COL4A5: variants seen among roughly 807,000 people sequenced by gnomAD.
The protein encoded by COL4A5 is collagen type IV alpha 5 chain, also known as collagen alpha-5(IV) chain.
In COL4A5, 26 loss-of-function variants were observed where a neutral mutation model predicts 130.2. That is an observed-to-expected ratio of 0.20 (90% CI 0.15 to 0.28). The LOEUF (loss-of-function observed/expected upper bound fraction) is 0.28. Among genes scored for constraint, COL4A5 ranks in the 10% least tolerant of loss-of-function variants. The pLI is 1.00. For synonymous variants in COL4A5, 496 were observed against 439.6 expected (o/e 1.13, Z -1.60); for missense variants, 1,131 against 1,344.3 (o/e 0.84, Z 2.48).
At chrX:108,507,210 C>T (rs1337963793) in intron 1 of COL4A5, among the ~76,000 whole-genome samples, 2 of 100,354 alleles carry the variant, frequency 2.0e-5, no homozygotes, top group Non-Finnish European at 2.0e-5. Context: ...CAGCATTATC[C>T]TGATACCAAA....
chrX:108,595,422 C>A, intron 21 of COL4A5, 87 bp from the exon 22 acceptor site: 1 of 780,788 alleles, frequency 1.3e-6, no homozygotes. Flanking sequence ...AAATGCTGTC[C>A]CTTAGTGCTA....
In COL4A5 at chrX:108,440,263, C is replaced by G. The variant is rs1471509166; in HGVS notation, c.81+57C>G. ...CACCGCTCTTTCACGCTGAAATTAC[C>G]TTTTTTTTGGGGGGGGGGTCCCTTT... On this transcript the variant is annotated intron_variant, in intron 1 of 52. Transcript: ENST00000328300. The G allele has an allele frequency of 1.7e-5, 14 of 815,633 alleles. No homozygotes were observed. In the East Asian group the frequency reaches 3.6e-4, roughly 21 times the overall value. The allele number at this position is 815,633 out of a possible 1,213,427, so 67.2% of individuals were successfully genotyped here. A position where few individuals can be genotyped will look rare whatever the true frequency, so the allele number is the denominator to read the frequency against.
At chrX:108,576,877 G>C (rs1186723918) in intron 10 of COL4A5, among the ~76,000 whole-genome samples, 1 of 112,015 alleles carries the variant, frequency 8.9e-6, no homozygotes, top group Non-Finnish European at 1.9e-5. Context: ...GTTTGTTTTA[G>C]TTGTAGACTT....
chrX:108,466,926 A>G (rs2064712079), intron 1 of COL4A5, among the ~76,000 whole-genome samples: 2 of 112,160 alleles, frequency 1.8e-5, no homozygotes, highest in African/African-American at 6.5e-5. Context: ...TACATTCTGA[A>G]TACTAGACAA....
chrX:108,539,197 T>A (rs2065499369), intron 1 of COL4A5, among the ~76,000 whole-genome samples: 1 of 110,504 alleles, frequency 9.0e-6, no homozygotes, highest in African/African-American at 3.3e-5. Flanking sequence ...AAAAGGAGAG[T>A]TCCTGAGAGT....
intron 36 of COL4A5, among the ~76,000 whole-genome samples, chrX:108,650,931 T>TA (rs766257364): frequency 7.6e-4 from 83 of 109,659 alleles, no homozygotes; most frequent in African/African-American, 2.6e-3. Flanking sequence ...TATGGAAAAA[T>TA]TAAAAAAAAC....
chrX:108,557,597 A>T (rs1039702332), intron 2 of COL4A5, among the ~76,000 whole-genome samples: 1 of 111,784 alleles, frequency 8.9e-6, no homozygotes, highest in African/African-American at 3.3e-5. Flanking sequence ...ATTATTCAGC[A>T]TAAAATCATC....
At chrX:108,694,750 G>A (rs1483581737) in intron 50 of COL4A5, 57 bp from the exon 51 acceptor site, 12 of 912,281 alleles carry the variant, frequency 1.3e-5, no homozygotes, top group African/African-American at 3.9e-5. Flanking sequence ...AAGCAGGATG[G>A]CTACTTCTCA....
At chrX:108,495,188 C>T (rs766474886) in intron 1 of COL4A5, among the ~76,000 whole-genome samples, 1 of 110,201 alleles carries the variant, frequency 9.1e-6, no homozygotes, top group African/African-American at 3.3e-5. Context: ...GAACCTTGAC[C>T]TAAGCCTCAC....
At chrX:108,610,476 A>G (rs2066813827) in intron 29 of COL4A5, among the ~76,000 whole-genome samples, 1 of 111,976 alleles carries the variant, frequency 8.9e-6, no homozygotes, top group Non-Finnish European at 1.9e-5. Flanking sequence ...CCAGCTGTAA[A>G]CTGTAACACT....
chrX:108,526,762 T>A (rs1259817958), intron 1 of COL4A5, among the ~76,000 whole-genome samples: 1 of 99,690 alleles, frequency 1.0e-5, no homozygotes, highest in Admixed American at 1.2e-4. Flanking sequence ...TTTCTTTTCT[T>A]TTCCTTTCCT....
chrX:108,509,461 G>A (rs1367977384), intron 1 of COL4A5, among the ~76,000 whole-genome samples: 1 of 111,821 alleles, frequency 8.9e-6, no homozygotes, highest in African/African-American at 3.2e-5. Context: ...AAATTTACAA[G>A]AGAAAAACCA....
At chrX:108,527,006 G>T (rs2065334054) in intron 1 of COL4A5, among the ~76,000 whole-genome samples, 1 of 109,255 alleles carries the variant, frequency 9.2e-6, no homozygotes, top group Non-Finnish European at 1.9e-5. Flanking sequence ...CCAGGCTCAA[G>T]TGGTCCTCCC....
chrX:108,676,159 T>A (rs1270997189), intron 43 of COL4A5, among the ~76,000 whole-genome samples: 2 of 112,197 alleles, frequency 1.8e-5, no homozygotes, highest in Non-Finnish European at 3.8e-5. Flanking sequence ...CAACCCTTTG[T>A]CCATAAGAAT....
At chrX:108,537,382 C>G (rs139231154) in intron 1 of COL4A5, among the ~76,000 whole-genome samples, 1,118 of 111,655 alleles carry the variant, frequency 0.01, 17 homozygotes, top group African/African-American at 0.035. Context: ...AATCTGTGCT[C>G]TCTCTAAAGT....
chrX:108,550,809 T>C (rs1007205768), intron 2 of COL4A5, among the ~76,000 whole-genome samples: 1 of 111,958 alleles, frequency 8.9e-6, no homozygotes, highest in African/African-American at 3.2e-5. Context: ...TTAAAACTTA[T>C]AAGTGAGTTT....
At chrX:108,480,618 A>C (rs1356836380) in intron 1 of COL4A5, among the ~76,000 whole-genome samples, 1 of 113,049 alleles carries the variant, frequency 8.8e-6, no homozygotes, top group East Asian at 2.8e-4. Flanking sequence ...GGCCTCATGC[A>C]CAGGAATGGA....
intron 1 of COL4A5, among the ~76,000 whole-genome samples, chrX:108,511,671 T>C (rs1489372163): frequency 1.8e-5 from 2 of 111,841 alleles, no homozygotes; most frequent in African/African-American, 6.5e-5. Flanking sequence ...TTATAGTCAA[T>C]TGTTTTTCAA....
chrX:108,681,851 G>T lies in COL4A5; in HGVS notation c.4179G>T (p.Lys1393Asn). Reference sequence around the variant, plus strand: ...GAATCCCTGGCCAGCCTGGGCTAAAGGGTCTACCAGGACCCCAAGGACCTC... The same window carrying T: ...GAATCCCTGGCCAGCCTGGGCTAAATGGTCTACCAGGACCCCAAGGACCTC... ...PPGIPGQPGLKGLPGPQGPQG... is the reference protein window; with the variant it reads ...PPGIPGQPGLNGLPGPQGPQG... The change falls in exon 47 of 53, where the codon AAG (lysine) becomes AAT (asparagine). Residue 1393 changes from lysine (K) to asparagine (N), a missense_variant. Physicochemically the swap from Lys to Asn is moderately conservative, Grantham distance 94 (BLOSUM62 0). Transcript: ENST00000328300. The T allele has an allele frequency of 8.3e-7, 1 of 1,210,079 alleles. No homozygotes were observed. Among genetic ancestry groups the T allele is most frequent in the Non-Finnish European group, 1.1e-6 (1 of 894,645 alleles).
Sources: allele counts gnomAD v4.1 joint callset (sites outside exome capture counted in the v4.1 genomes callset), GRCh38; gene constraint gnomAD v4.1.1; transcripts MANE v1.5; gene names NCBI Gene and HGNC (gene_info 2026-07-23, HGNC 2026-07-21).